SLC15A5: variants seen among roughly 807,000 people sequenced by gnomAD.
SLC15A5 encodes the protein solute carrier family 15 member 5, also known as Peptide/histidine transporter ENSP00000340402.
SLC15A5 carries 58 observed loss-of-function variants against 56.1 expected under a neutral mutation model. The ratio of observed to expected loss-of-function variants is 1.03; its 90% CI spans 0.84 to 1.29. The LOEUF is 1.29. Among genes scored for constraint, SLC15A5 ranks in the 50% most tolerant of loss-of-function variants. The probability of loss-of-function intolerance (pLI) is 0.00; values close to 1 mark genes in which losing one functional copy is unlikely to be tolerated. For synonymous variants in SLC15A5, 264 were observed against 250.5 expected, an observed-to-expected ratio of 1.05 and a Z score of -0.51; for missense variants, 681 against 672.1, an observed-to-expected ratio of 1.01 and a Z score of -0.15.
intron 4 of SLC15A5, among the ~76,000 whole-genome samples, chr12:16,242,926 T>C (rs1223747058): frequency 6.6e-6 from 1 of 152,230 alleles, no homozygotes; most frequent in Admixed American, 6.5e-5. Context: ...ATTTCTGCTG[T>C]ATTCTGTTTT....
chr12:16,238,608 C>T (rs57043406), intron 5 of SLC15A5, among the ~76,000 whole-genome samples: 8,769 of 129,624 alleles, frequency 0.068, 455 homozygotes, highest in African/African-American at 0.16. Flanking sequence ...CCAGCCTGGG[C>T]GACAGAGCGA....
chr12:16,217,545 A>G (rs1864142096), intron 6 of SLC15A5, among the ~76,000 whole-genome samples: 1 of 152,182 alleles, frequency 6.6e-6, no homozygotes, highest in African/African-American at 2.4e-5. Flanking sequence ...TAAACTTTCC[A>G]GCCTCAATGT....
chr12:16,214,228 G>C (rs1864109429), intron 7 of SLC15A5, among the ~76,000 whole-genome samples: 1 of 152,218 alleles, frequency 6.6e-6, no homozygotes, highest in Non-Finnish European at 1.5e-5. Context: ...TAGATTTTCA[G>C]TGAAATGCTT....
chr12:16,232,813 G>A (rs1466372518), intron 5 of SLC15A5, among the ~76,000 whole-genome samples: 1 of 152,134 alleles, frequency 6.6e-6, no homozygotes, highest in Non-Finnish European at 1.5e-5. Flanking sequence ...CTACTCGGGA[G>A]GCTGAGGCAC....
intron 5 of SLC15A5, among the ~76,000 whole-genome samples, chr12:16,236,476 T>C (rs978375071): frequency 1.3e-5 from 2 of 152,212 alleles, no homozygotes; most frequent in Non-Finnish European, 2.9e-5. Flanking sequence ...GACATATTTC[T>C]TGACCTCCAT....
In SLC15A5 at chr12:16,189,308, T is replaced by A. The variant is rs1863817313; in HGVS notation, c.*360A>T. The A allele has an allele frequency of 6.3e-6, 1 of 157,918 alleles. No homozygotes were observed. The highest frequency in any genetic ancestry group is 2.4e-5 in the African/African-American group (1 of 41,718). The allele number at this position is 157,918 out of a possible 1,614,324, so 9.8% of individuals were successfully genotyped here. A position where few individuals can be genotyped will look rare whatever the true frequency, so the allele number is the denominator to read the frequency against. ...AGAGAGTATATTAAAATACTGTCAT[T>A]TTGCTTCTAATGACTCATTAAAACT... On this transcript the variant is annotated 3_prime_UTR_variant, in exon 9 of 9. Transcript: ENST00000344941.
Position 16,277,583 on chromosome 12 carries a change from G to T in SLC15A5, c.103C>A (p.His35Asn). The T allele has an allele frequency of 6.5e-7, 1 of 1,536,436 alleles. No homozygotes were observed. Among genetic ancestry groups the T allele is most frequent in the East Asian group, 2.4e-5 (1 of 40,890 alleles). Residue 35 changes from histidine to asparagine, a missense_variant, in exon 1 of 9, where the codon CAC (histidine) becomes AAC (asparagine). Physicochemically the swap from His to Asn is moderately conservative, Grantham distance 68. Transcript: ENST00000344941. ...CCAACCTGAATTTTTTTCACAGAGTGTGAGGAACACAAATCGCCAATATGT... is the reference window on the plus strand; with the variant it reads ...CCAACCTGAATTTTTTTCACAGAGTTTGAGGAACACAAATCGCCAATATGT... ...VRHIGDLCSSHSVKKIQVGIC... is the reference protein window; with the variant it reads ...VRHIGDLCSSNSVKKIQVGIC...
intron 5 of SLC15A5, among the ~76,000 whole-genome samples, chr12:16,227,581 G>C (rs7314244): frequency 1.4e-3 from 208 of 152,298 alleles, no homozygotes; most frequent in African/African-American, 4.8e-3. Context: ...CATGAGCAAA[G>C]GGACAGCGTT....
intron 7 of SLC15A5, among the ~76,000 whole-genome samples, chr12:16,209,168 T>C (rs1864053473): frequency 6.6e-6 from 1 of 152,124 alleles, no homozygotes; most frequent in Admixed American, 6.5e-5. Flanking sequence ...CCTACTTGAT[T>C]TTATAGTAGC....
At chr12:16,206,080 A>G (rs1260775887) in intron 7 of SLC15A5, among the ~76,000 whole-genome samples, 2 of 152,186 alleles carry the variant, frequency 1.3e-5, no homozygotes, top group Non-Finnish European at 2.9e-5. Flanking sequence ...TTGGGAGCGA[A>G]AAAGGGTGCA....
intron 2 of SLC15A5, among the ~76,000 whole-genome samples, chr12:16,268,979 T>C (rs965313605): frequency 1.3e-5 from 2 of 151,954 alleles, no homozygotes; most frequent in African/African-American, 4.8e-5. Flanking sequence ...TGGGATTAGT[T>C]CCTTTATAAA....
intron 5 of SLC15A5, among the ~76,000 whole-genome samples, chr12:16,228,981 C>T (rs1047218020): frequency 3.8e-4 from 58 of 152,106 alleles, no homozygotes; most frequent in African/African-American, 1.1e-3. Context: ...GGGTCAACTG[C>T]GTATTATAAA....
At chr12:16,265,811 C>G (rs1235804801) in intron 2 of SLC15A5, among the ~76,000 whole-genome samples, 1 of 152,122 alleles carries the variant, frequency 6.6e-6, no homozygotes, top group Admixed American at 6.6e-5. Context: ...AGAAAATACT[C>G]TTTCTTCAAT....
intron 4 of SLC15A5, among the ~76,000 whole-genome samples, chr12:16,240,569 T>A (rs191560958): frequency 0.021 from 3,197 of 151,558 alleles, 36 homozygotes; most frequent in African/African-American, 0.042. Flanking sequence ...ACAATTTTTT[T>A]AAAAAAAAAC....
rs1417165696 is a variant in SLC15A5 at position 16,235,046 on chromosome 12, C to T, written c.1162+4635G>A. 2.6e-5 allele frequency among the ~76,000 whole-genome samples: 4 copies of T among 151,832 alleles called. No individual in the cohort carries two copies. Among genetic ancestry groups the T allele is most frequent in the African/African-American group, 7.3e-5 (3 of 41,328 alleles). ...AAATTCCCAGGATAGGAAATTTGCT[C>T]AGTGTTAATATATCATTCAGTGTTC... On this transcript the variant is annotated intron_variant, in intron 5 of 8. Transcript: ENST00000344941. This position sits in a 1 kb window ranked among gnomAD's most constrained non-coding sequence, Gnocchi z 4.1.
rs747638272 is a variant in SLC15A5 at position 16,224,454 on chromosome 12, A to T, written c.1311T>A (p.Tyr437Ter). ...SMPCFYLILQ[Y>*]VLLGVAETLV... is the part of the protein sequence containing the mutation. ...GTGTTTCCGCCACTCCAAGTAAAAC[A>T]TACTGAAGAATCAGGTAGAAACAGG... is the stretch of plus-strand genomic sequence containing the variant. The change falls in exon 6 of 9, where the codon TAT becomes TAA. Residue 437 changes from tyrosine to a stop codon, truncating the protein, a stop_gained. Coordinates refer to ENST00000344941, the MANE Select transcript of SLC15A5 (RefSeq NM_001170798.1). LOFTEE classifies it high-confidence loss of function. The T allele has an allele frequency of 2.0e-6, 3 of 1,537,214 alleles. No individual in the cohort carries two copies. The highest frequency in any genetic ancestry group is 1.7e-4 in the Middle Eastern group (1 of 6,012).
At chr12:16,191,765 A>G (rs1592104408) in intron 8 of SLC15A5, among the ~76,000 whole-genome samples, 1 of 152,206 alleles carries the variant, frequency 6.6e-6, no homozygotes, top group Non-Finnish European at 1.5e-5. Context: ...CCCAATGGCC[A>G]ATAGGTCCCC....
chr12:16,217,269 G>A (rs987118007), intron 6 of SLC15A5, among the ~76,000 whole-genome samples: 3 of 152,122 alleles, frequency 2.0e-5, no homozygotes, highest in Non-Finnish European at 2.9e-5. Flanking sequence ...TTACTTAGTA[G>A]TTGAGTGTCC....
At chr12:16,270,900 G>T (rs1455738463) in intron 2 of SLC15A5, among the ~76,000 whole-genome samples, 1 of 152,122 alleles carries the variant, frequency 6.6e-6, no homozygotes, top group South Asian at 2.1e-4. Flanking sequence ...ATAAAAAAAG[G>T]CAAGACAACC....
Sources: gnomAD v4.1 joint callset for allele counts (sites outside exome capture counted in the v4.1 genomes callset) on GRCh38, gnomAD v4.1.1 for gene constraint, Gnocchi (gnomAD v3.1) non-coding constraint, MANE v1.5 for transcripts, NCBI Gene and HGNC (gene_info 2026-07-23, HGNC 2026-07-21) for gene names.